TMPRSS15: variants seen among roughly 807,000 people sequenced by gnomAD.
TMPRSS15 encodes enteropeptidase.
Under a neutral mutation model 125.3 loss-of-function variants are expected in TMPRSS15, and 128 were observed. The ratio of observed to expected loss-of-function variants is 1.02; its 90% CI spans 0.89 to 1.18. TMPRSS15 has a LOEUF of 1.18. TMPRSS15 is among the 50% of genes most tolerant of loss of function. TMPRSS15 has a pLI of 0.00. For missense variants in TMPRSS15, 1,283 were observed against 1,212.7 expected, an observed-to-expected ratio of 1.06 and a Z score of -0.86; for synonymous variants, 446 against 423.2, an observed-to-expected ratio of 1.05 and a Z score of -0.66.
At chr21:18,279,093 C>G in intron 22 of TMPRSS15, 34 bp from the exon 23 acceptor site, 1 of 1,117,820 alleles carries the variant, frequency 8.9e-7, no homozygotes, top group South Asian at 1.3e-5. Flanking sequence ...AACGAACAAA[C>G]GAAGAAAAAG....
chr21:18,472,455 T>TTATATATATATATATATATATATATATA (rs34604020), intron 1 of TMPRSS15, among the ~76,000 whole-genome samples: 1 of 143,152 alleles, frequency 7.0e-6, no homozygotes, highest in African/African-American at 2.6e-5. Flanking sequence ...GCTAAAAGAA[T>TTATATATATATATATATATATATATATA]TATATATATA....
At chr21:18,396,243 G>A (rs1013404196) in intron 3 of TMPRSS15, among the ~76,000 whole-genome samples, 1 of 152,038 alleles carries the variant, frequency 6.6e-6, no homozygotes, top group South Asian at 2.1e-4. Context: ...ATGGTGAAAA[G>A]CAAACCCACC....
chr21:18,296,639 A>T (rs1349133599), intron 19 of TMPRSS15, among the ~76,000 whole-genome samples: 1 of 152,140 alleles, frequency 6.6e-6, no homozygotes, highest in East Asian at 1.9e-4. Context: ...TTTCTTACAA[A>T]TTTTTAAATG....
At chr21:18,479,623 A>G (rs1978943053) in intron 1 of TMPRSS15, among the ~76,000 whole-genome samples, 1 of 152,120 alleles carries the variant, frequency 6.6e-6, no homozygotes, top group Admixed American at 6.6e-5. Flanking sequence ...TATGTGGCCC[A>G]CAAACATGAA....
intron 13 of TMPRSS15, among the ~76,000 whole-genome samples, chr21:18,334,136 CCTTATTT>C (rs1443189381): frequency 6.6e-6 from 1 of 152,074 alleles, no homozygotes; most frequent in Non-Finnish European, 1.5e-5. Context: ...ATATGTTCTG[CCTTATTT>C]ATGTAAGTCA....
intron 1 of TMPRSS15, among the ~76,000 whole-genome samples, chr21:18,468,197 T>A (rs1293429596): frequency 6.6e-6 from 1 of 152,134 alleles, no homozygotes; most frequent in Non-Finnish European, 1.5e-5. Context: ...ACCATCCCTA[T>A]TTCAACCCAC....
At chr21:18,332,676 A>G (rs767702907) in intron 13 of TMPRSS15, among the ~76,000 whole-genome samples, 2 of 152,198 alleles carry the variant, frequency 1.3e-5, no homozygotes, top group Non-Finnish European at 2.9e-5. Context: ...TATGTGGAAG[A>G]CAGTGTGGTA....
At chr21:18,472,460 T>TATAC (rs1268121715) in intron 1 of TMPRSS15, among the ~76,000 whole-genome samples, 4 of 32,174 alleles carry the variant, frequency 1.2e-4, no homozygotes, top group Admixed American at 1.0e-3. Context: ...AAGAATTATA[T>TATAC]ATATATATAT....
intron 23 of TMPRSS15, among the ~76,000 whole-genome samples, chr21:18,278,591 G>T (rs1159601894): frequency 1.8e-5 from 1 of 55,970 alleles, no homozygotes; most frequent in Non-Finnish European, 3.2e-5. Flanking sequence ...CATGGTGGCA[G>T]GCGCCTGTGG....
At chr21:18,418,418 T>G (rs2076184949) in intron 1 of TMPRSS15, among the ~76,000 whole-genome samples, 1 of 152,202 alleles carries the variant, frequency 6.6e-6, no homozygotes, top group South Asian at 2.1e-4. Context: ...TACAGCCACA[T>G]ACGTAGAAGC....
chr21:18,372,436 TGCCA>T, intron 5 of TMPRSS15, 112 bp from the exon 6 acceptor site: 1 of 871,594 alleles, frequency 1.1e-6, no homozygotes, highest in Non-Finnish European at 1.8e-6. Flanking sequence ...GTTCTTCAAC[TGCCA>T]TAGGAATATT....
chr21:18,345,585 C>T (rs1475098926), intron 10 of TMPRSS15, among the ~76,000 whole-genome samples: 2 of 146,652 alleles, frequency 1.4e-5, no homozygotes, highest in East Asian at 4.0e-4. Flanking sequence ...ACAAAAAATA[C>T]AAAAAATTAG....
rs1601378876 is a variant in TMPRSS15, at chr21:18,353,117, T to C, written c.1022-65A>G. Reference sequence around the variant, plus strand: ...CCATAATGTGAGTAGTTATATTAGATTGTATTGAAAATAATCTAACCTTAT... The same window carrying C: ...CCATAATGTGAGTAGTTATATTAGACTGTATTGAAAATAATCTAACCTTAT... On this transcript the variant is annotated intron_variant, in intron 9 of 24. Transcript: ENST00000284885. The C allele has an allele frequency of 5.7e-5, 81 of 1,423,376 alleles. No homozygotes were observed. The South Asian group carries it at 8.8e-4, about 15-fold the overall frequency. The allele number at this position is 1,423,376 out of a possible 1,614,324, so 88.2% of individuals were successfully genotyped here. A position where few individuals can be genotyped will look rare whatever the true frequency, so the allele number is the denominator to read the frequency against.
intron 3 of TMPRSS15, among the ~76,000 whole-genome samples, chr21:18,384,443 T>C (rs1827614684): frequency 2.0e-5 from 3 of 152,144 alleles, no homozygotes; most frequent in African/African-American, 7.2e-5. Flanking sequence ...AACATAGCAT[T>C]AGAGTTCAGC....
intron 18 of TMPRSS15, among the ~76,000 whole-genome samples, chr21:18,299,513 G>T (rs955951782): frequency 2.0e-5 from 3 of 152,172 alleles, no homozygotes; most frequent in Admixed American, 1.3e-4. Flanking sequence ...CTGTCTGCAG[G>T]CTCCAGAAAC....
At chr21:18,458,945 TA>T (rs1857038930) in intron 1 of TMPRSS15, among the ~76,000 whole-genome samples, 1 of 152,200 alleles carries the variant, frequency 6.6e-6, no homozygotes, top group African/African-American at 2.4e-5. Context: ...ATTTTGTTGT[TA>T]TTTATTATTT....
At chr21:18,445,268 C>G (rs2076252819) in intron 1 of TMPRSS15, among the ~76,000 whole-genome samples, 1 of 150,560 alleles carries the variant, frequency 6.6e-6, no homozygotes, top group Non-Finnish European at 1.5e-5. Context: ...GCAACTTTTG[C>G]CTCCTGGGTT....
intron 1 of TMPRSS15, among the ~76,000 whole-genome samples, chr21:18,428,056 A>G (rs2123205057): frequency 6.6e-6 from 1 of 152,312 alleles, no homozygotes; most frequent in South Asian, 2.1e-4. Context: ...AAGAGTTACA[A>G]TGGGAAACTT....
At chr21:18,440,264 ACG>A (rs2076238069) in intron 1 of TMPRSS15, among the ~76,000 whole-genome samples, 1 of 148,510 alleles carries the variant, frequency 6.7e-6, no homozygotes, top group Non-Finnish European at 1.5e-5. Context: ...TCCCAGCTAC[ACG>A]GGAGGCTGAG....
Sources: gnomAD v4.1 joint callset for allele counts (sites outside exome capture counted in the v4.1 genomes callset) on GRCh38, gnomAD v4.1.1 for gene constraint, MANE v1.5 for transcripts, NCBI Gene and HGNC (gene_info 2026-07-23, HGNC 2026-07-21) for gene names.